SIRT1: variants seen among roughly 807,000 people sequenced by gnomAD.
SIRT1 encodes sirtuin 1.
A neutral mutation model predicts 67.9 loss-of-function variants in SIRT1; 24 were observed. The observed-to-expected ratio is 0.35, with a 90% CI of 0.26 to 0.50. The LOEUF is 0.50. SIRT1 is among the 20% of genes least tolerant of loss of function. The pLI is 0.98. For synonymous variants in SIRT1, 378 were observed against 350.7 expected (o/e 1.08, Z -0.87); for missense variants, 873 against 937.2 (o/e 0.93, Z 0.89).
At chr10:67,889,264 G>A in intron 3 of SIRT1, 141 bp downstream of exon 3, 2 of 917,354 alleles carry the variant, frequency 2.2e-6, no homozygotes, top group Non-Finnish European at 3.2e-6. Flanking sequence ...GAGTGCAGCA[G>A]CAGTTGCTAA....
At position 67,907,438 on chromosome 10, in the gene SIRT1, C is replaced by T. The variant is rs188598062; in HGVS notation, c.1090+501C>T. On this transcript the variant is annotated intron_variant, in intron 5 of 8. Transcript: ENST00000212015. ...TGAACCTGGGAGTTGGAGGTTGCAG[C>T]GAGCCAAGATTGCACCATTGCGCTC... Among the ~76,000 whole-genome samples the T allele has an allele frequency of 2.0e-4, 28 of 142,636 alleles. No individual in the cohort carries two copies. The East Asian group carries it at 5.0e-3, about 26-fold the overall frequency. The allele number at this position is 142,636 out of a possible 152,430, so 93.6% of individuals were successfully genotyped here.
chr10:67,891,168 C>A (rs1406568062), intron 3 of SIRT1, among the ~76,000 whole-genome samples: 2 of 151,962 alleles, frequency 1.3e-5, no homozygotes, highest in African/African-American at 2.4e-5. Flanking sequence ...ATTGGCCTGA[C>A]TTAAAAATTC....
rs559773796 is a variant in SIRT1 at position 67,885,442 on chromosome 10, C to A, written c.430+291C>A. 35 of 1,187,642 alleles carry A rather than the reference C, an allele frequency of 2.9e-5. No individual in the cohort carries two copies. In the African/African-American group the frequency reaches 5.2e-4, roughly 18 times the overall value. 73.6% of individuals were successfully genotyped at this position (1,187,642 alleles called of 1,614,324 possible). On this transcript the variant is annotated intron_variant, in intron 1 of 8. Transcript: ENST00000212015. ...GTCGCTTTAAAATAAGTTTCTCTCC[C>A]CCTCTTACTCTTTTAGCATATTGCT...
At chr10:67,891,347 A>G in intron 3 of SIRT1, 55 bp from the exon 4 acceptor site, 1 of 1,516,084 alleles carries the variant, frequency 6.6e-7, no homozygotes, top group Non-Finnish European at 9.1e-7. Flanking sequence ...AGAGCTAGCT[A>G]GTTCCTATAA....
chr10:67,912,296 C>T (rs1222967367), intron 7 of SIRT1, among the ~76,000 whole-genome samples, 178 bp from the exon 8 acceptor site: 1 of 152,154 alleles, frequency 6.6e-6, no homozygotes, highest in African/African-American at 2.4e-5. Flanking sequence ...AGACACTTAA[C>T]TGCCCATCTG....
rs1224299813 is a variant in SIRT1 at position 67,903,213 on chromosome 10, G to C, written c.943-3577G>C. On this transcript the variant is annotated intron_variant, in intron 4 of 8. Coordinates refer to ENST00000212015, the MANE Select transcript of SIRT1 (RefSeq NM_012238.5). Reference sequence around the variant, plus strand: ...AGACTCAAGTGATTCTCCCTCCTCTGTCTCCCCAGTAGCAGGAACTACAGG... The same window carrying C: ...AGACTCAAGTGATTCTCCCTCCTCTCTCTCCCCAGTAGCAGGAACTACAGG... Among the ~76,000 whole-genome samples the C allele has an allele frequency of 2.6e-5, 4 of 152,130 alleles. No individual in the cohort carries two copies. In the East Asian group the frequency reaches 7.7e-4, roughly 29 times the overall value.
chr10:67,909,515 C>A, intron 7 of SIRT1, 73 bp downstream of exon 7: 4 of 1,219,492 alleles, frequency 3.3e-6, no homozygotes, highest in African/African-American at 1.5e-5. Context: ...ATAATAGACG[C>A]TAGTAATCTT....
At chr10:67,888,738 T>G in intron 2 of SIRT1, 144 bp from the exon 3 acceptor site, 1 of 839,258 alleles carries the variant, frequency 1.2e-6, no homozygotes. Context: ...TAATTCTGAG[T>G]GTACCGAGAA....
Position 67,889,112 on chromosome 10 carries a change from A to G in SIRT1, c.778A>G (p.Thr260Ala), listed in dbSNP as rs1394031280. Reference protein sequence around the residue: ...LQECKKIIVLTGAGVSVSCGI... With the variant: ...LQECKKIIVLAGAGVSVSCGI... ...AGAGTGCAAAAAAATTATAGTTCTA[A>G]CTGGAGCTGGGGTATGTAAGACTAG... The change falls in exon 3 of 9, where the codon ACT becomes GCT. Residue 260 changes from threonine (T) to alanine (A), a missense_variant. Around this residue, in one of 3 missense-constraint regions of SIRT1, gnomAD observed 251 missense variants for 358.8 expected, o/e 0.70. Transcript: ENST00000212015. 6.2e-7 allele frequency: 1 copy of G among 1,600,242 alleles called. No homozygotes were observed. The highest frequency in any genetic ancestry group is 8.5e-7 in the Non-Finnish European group (1 of 1,179,256).
intron 3 of SIRT1, among the ~76,000 whole-genome samples, chr10:67,889,918 T>A (rs965948868): frequency 2.0e-5 from 3 of 152,216 alleles, no homozygotes; most frequent in Admixed American, 1.3e-4. Flanking sequence ...TGTCAGGATT[T>A]TTTTGTACGA....
At chr10:67,888,402 A>G (rs545192057) in intron 2 of SIRT1, among the ~76,000 whole-genome samples, 25 of 152,300 alleles carry the variant, frequency 1.6e-4, no homozygotes, top group African/African-American at 5.5e-4. Flanking sequence ...TCAACATTGT[A>G]TGTATTATCT....
chr10:67,887,906 C>A (rs1192007226), intron 2 of SIRT1, among the ~76,000 whole-genome samples: 1 of 152,204 alleles, frequency 6.6e-6, no homozygotes, highest in African/African-American at 2.4e-5. Flanking sequence ...TAGTGTTCTT[C>A]ATCCGGTTAG....
chr10:67,885,172 C>T (rs1253032202), intron 1 of SIRT1, 21 bp downstream of exon 1: 4 of 1,357,466 alleles, frequency 2.9e-6, no homozygotes, highest in East Asian at 3.1e-5. Context: ...TGCGGGCGGC[C>T]GGAACTGCGC....
Position 67,884,771 on chromosome 10 carries a change from C to T in SIRT1, c.50C>T (p.Ala17Val). Residue 17 changes from alanine to valine, a missense_variant, in exon 1 of 9, where the codon GCG becomes GTG. By Grantham distance (64) the Ala-to-Val change is moderately conservative (BLOSUM62 0). Transcript: ENST00000212015. ...LALQPGGSPSAAGADREAASS... is the reference protein window; with the variant it reads ...LALQPGGSPSVAGADREAASS... The stretch of plus-strand genomic sequence containing the variant: ...CTTCAGCCCGGCGGCTCCCCCTCGG[C>T]GGCGGGGGCCGACAGGGAGGCCGCG... 2 of 1,225,084 alleles carry T rather than the reference C, an allele frequency of 1.6e-6. No individual in the cohort carries two copies. Among genetic ancestry groups the T allele is most frequent in the Non-Finnish European group, 2.0e-6 (2 of 983,692 alleles). The allele number at this position is 1,225,084 out of a possible 1,614,324, so 75.9% of individuals were successfully genotyped here.
At chr10:67,911,905 G>C (rs923750867) in intron 7 of SIRT1, among the ~76,000 whole-genome samples, 1 of 151,554 alleles carries the variant, frequency 6.6e-6, no homozygotes. Flanking sequence ...TGGGATTAGA[G>C]GCATGCGCTA....
rs367988652 is a variant in SIRT1, at chr10:67,918,007, A to AAC, written c.*1417_*1418dup. On this transcript the variant is annotated 3_prime_UTR_variant, in exon 9 of 9. Coordinates refer to ENST00000212015, the MANE Select transcript of SIRT1 (RefSeq NM_012238.5). Reference sequence around the variant, plus strand: ...AAATATAGCTGTTCTTTATGCATAAAACACCCAGCTAGGACCATTACTGCC... The same window carrying AAC: ...AAATATAGCTGTTCTTTATGCATAAAACACACCCAGCTAGGACCATTACTGCC... 2.3e-4 allele frequency: 35 copies of AAC among 152,746 alleles called. 1 individual carries two copies. Among genetic ancestry groups the AAC allele is most frequent in the African/African-American group, 8.2e-4 (34 of 41,582 alleles). The allele number at this position is 152,746 out of a possible 1,614,324, so 9.5% of individuals were successfully genotyped here.
At chr10:67,893,872 A>G (rs1408670995) in intron 4 of SIRT1, among the ~76,000 whole-genome samples, 1 of 152,190 alleles carries the variant, frequency 6.6e-6, no homozygotes, top group Non-Finnish European at 1.5e-5. Flanking sequence ...TTTTAACTAA[A>G]CAGTGGCCTT....
intron 4 of SIRT1, among the ~76,000 whole-genome samples, chr10:67,903,632 C>T (rs1185703224): frequency 1.3e-5 from 2 of 152,134 alleles, no homozygotes; most frequent in Non-Finnish European, 2.9e-5. Context: ...TGTGATCCGC[C>T]GACCTCGGCC....
At position 67,887,531 on chromosome 10, in the gene SIRT1, T is replaced by G. The variant is rs749341245; in HGVS notation, c.545T>G (p.Ile182Arg). Residue 182 changes from isoleucine to arginine, a missense_variant and splice_region_variant, in exon 2 of 9, where the codon ATA becomes AGA. Physicochemically the swap from Ile to Arg is moderately conservative, Grantham distance 97. This residue lies in a region of SIRT1 where 327 missense variants were observed against 283.9 expected (regional missense o/e 1.15). Coordinates refer to ENST00000212015, the MANE Select transcript of SIRT1 (RefSeq NM_012238.5). Reference protein sequence around the residue: ...SSSDWTPRPRIGPYTFVQQHL... With the variant: ...SSSDWTPRPRRGPYTFVQQHL... ...AGTGACTGGACTCCAAGGCCACGGA[T>G]AGGTATGGCTCAGAGCTGTTAATTT... The G allele has an allele frequency of 1.3e-6, 2 of 1,584,172 alleles. No homozygotes were observed. The highest frequency in any genetic ancestry group is 3.3e-5 in the Admixed American group (2 of 59,936).
Sources: gnomAD v4.1 joint callset for allele counts (sites outside exome capture counted in the v4.1 genomes callset) on GRCh38, gnomAD v4.1.1 for gene constraint, gnomAD v4.1.1 regional missense constraint, MANE v1.5 for transcripts, NCBI Gene and HGNC (gene_info 2026-07-23, HGNC 2026-07-21) for gene names.